The following B4GALT4 variants were observed in gnomAD, a reference collection of about 807,000 sequenced individuals.
The protein encoded by B4GALT4 is beta-1,4-galactosyltransferase 4.
A neutral mutation model predicts 37.3 loss-of-function variants in B4GALT4; 27 were observed. The observed-to-expected ratio is 0.72, with a 90% CI of 0.53 to 1.00. B4GALT4 has a LOEUF of 1.00. Among genes scored for constraint, B4GALT4 ranks in the 50% least tolerant of loss-of-function variants. The pLI is 0.00. For synonymous variants in B4GALT4, 148 were observed against 154.1 expected, an observed-to-expected ratio of 0.96 and a Z score of 0.29; for missense variants, 372 against 413.1, an observed-to-expected ratio of 0.90 and a Z score of 0.86.
At chr3:119,213,189 C>G (rs191606624) in intron 7 of B4GALT4, 1 of 152,338 alleles carries the variant, frequency 6.6e-6, no homozygotes, top group Admixed American at 6.5e-5. Flanking sequence ...TTCAGTAACG[C>G]TGAAAGAGAG....
chr3:119,238,610 T>C (rs2079055625), intron 1 of B4GALT4, among the ~76,000 whole-genome samples: 1 of 152,202 alleles, frequency 6.6e-6, no homozygotes, highest in Admixed American at 6.5e-5. Flanking sequence ...TTGTAACTGT[T>C]CTATTATTAG....
At chr3:119,236,741 A>T (rs915363529) in intron 2 of B4GALT4, 112 bp downstream of exon 2, 8 of 152,240 alleles carry the variant, frequency 5.3e-5, no homozygotes, top group Non-Finnish European at 1.2e-4. Flanking sequence ...GATTAATAAT[A>T]TGAGTACAAA....
At chr3:119,217,121 T>A (rs938269532) in intron 6 of B4GALT4, among the ~76,000 whole-genome samples, 4 of 152,186 alleles carry the variant, frequency 2.6e-5, no homozygotes, top group Admixed American at 6.5e-5. Context: ...AAAGCAAAAT[T>A]GGAGGCTCCC....
chr3:119,216,559 G>A (rs769059683), intron 6 of B4GALT4, among the ~76,000 whole-genome samples: 4 of 151,772 alleles, frequency 2.6e-5, no homozygotes, highest in South Asian at 2.1e-4. Context: ...AACTTCAGGC[G>A]ATAAGCCCAA....
chr3:119,239,132 C>G (rs541527447), intron 1 of B4GALT4, among the ~76,000 whole-genome samples: 1 of 152,064 alleles, frequency 6.6e-6, no homozygotes, highest in Admixed American at 6.5e-5. Context: ...TCCAGACCAG[C>G]CTGGACAACA....
chr3:119,216,646 A>G (rs925273069), intron 6 of B4GALT4, among the ~76,000 whole-genome samples: 3 of 151,644 alleles, frequency 2.0e-5, no homozygotes, highest in Non-Finnish European at 2.9e-5. Flanking sequence ...TTTCAAAAAG[A>G]AAAAAAAATG....
Position 119,230,067 on chromosome 3 carries a change from G to C in B4GALT4, c.33C>G (p.Tyr11Ter). The C allele has an allele frequency of 1.2e-6, 2 of 1,614,184 alleles. No individual in the cohort carries two copies. Among genetic ancestry groups the C allele is most frequent in the Non-Finnish European group, 1.7e-6 (2 of 1,180,018 alleles). Residue 11 changes from tyrosine to a stop codon, truncating the protein, a stop_gained, in exon 3 of 8, where the codon TAC (tyrosine) becomes TAG (stop). Transcript: ENST00000393765. LOFTEE classifies it high-confidence loss of function. MGFNLTFHLS[Y>*]KFRLLLLLTL... ...TCAACAGCAACAGTAATCGGAATTT[G>C]TAGGAAAGGTGGAAAGTCAGGTTGA... is the stretch of plus-strand genomic sequence containing the variant.
In B4GALT4 at chr3:119,231,751, T is replaced by A. The variant is rs555502098; in HGVS notation, c.-145-1507A>T. ...ATTTTTATTTTTATAAAATTTATTT[T>A]ATAAATTTTATTTTATTTAATAATT... is the stretch of plus-strand genomic sequence containing the variant. On this transcript the variant is annotated intron_variant, in intron 2 of 7. Transcript: ENST00000393765. Among the ~76,000 whole-genome samples, 628 of 144,852 alleles carry A rather than the reference T, an allele frequency of 4.3e-3. 3 individuals are homozygous for A. Among genetic ancestry groups the A allele is most frequent in the African/African-American group, 0.015 (597 of 39,798 alleles).
At position 119,217,003 on chromosome 3, in the gene B4GALT4, G is replaced by A. The variant is rs141158497; in HGVS notation, c.798-659C>T. ...GAAGGGTAGTGCCTGTTGCACAGGC[G>A]AATAAATAAGCAGTAAATCTCAACC... is the stretch of plus-strand genomic sequence containing the variant. On this transcript the variant is annotated intron_variant, in intron 6 of 7. Transcript: ENST00000393765. Among the ~76,000 whole-genome samples, 210 of 152,336 alleles carry A rather than the reference G, an allele frequency of 1.4e-3. 1 individual carries two copies. The highest frequency in any genetic ancestry group is 4.4e-3 in the African/African-American group (185 of 41,578).
chr3:119,212,210 C>T lies in B4GALT4; in HGVS notation c.*339G>A. The stretch of plus-strand genomic sequence containing the variant: ...TCTTATTTCCTGTGGCCTTTTATCC[C>T]ATAATATATTACTTCAAATTTAAAT... On this transcript the variant is annotated 3_prime_UTR_variant, in exon 8 of 8. Transcript: ENST00000393765. 1 of 702,992 alleles carries T rather than the reference C, an allele frequency of 1.4e-6. No homozygotes were observed. Among genetic ancestry groups the T allele is most frequent in the Non-Finnish European group, 2.6e-6 (1 of 384,998 alleles). The allele number at this position is 702,992 out of a possible 1,614,324, so 43.5% of individuals were successfully genotyped here. A position where few individuals can be genotyped will look rare whatever the true frequency, so the allele number is the denominator to read the frequency against.
At chr3:119,213,418 G>A (rs530911386) in intron 7 of B4GALT4, 1 of 152,346 alleles carries the variant, frequency 6.6e-6, no homozygotes, top group South Asian at 2.1e-4. Flanking sequence ...CAATATGGAT[G>A]GGGATCAGAT....
At chr3:119,222,152 C>G (rs1329002645) in intron 5 of B4GALT4, among the ~76,000 whole-genome samples, 4 of 152,090 alleles carry the variant, frequency 2.6e-5, no homozygotes, top group Non-Finnish European at 5.9e-5. Flanking sequence ...AAAATCTGGG[C>G]AATGGGAAGT....
Position 119,218,632 on chromosome 3 carries a change from C to T in B4GALT4, c.797+18G>A. ...TGAGTGCAGAGCCCCGTGAAGGGGA[C>T]CTTTCTCTGTTGTTCACCTGAGTCT... is the stretch of plus-strand genomic sequence containing the variant. On this transcript the variant is annotated intron_variant, in intron 6 of 7. Transcript: ENST00000393765. The T allele has an allele frequency of 6.2e-7, 1 of 1,614,138 alleles. No individual in the cohort carries two copies. The highest frequency in any genetic ancestry group is 8.5e-7 in the Non-Finnish European group (1 of 1,180,010).
chr3:119,220,339 T>C (rs1258809286), intron 5 of B4GALT4, among the ~76,000 whole-genome samples: 1 of 152,220 alleles, frequency 6.6e-6, no homozygotes, highest in Non-Finnish European at 1.5e-5. Context: ...AAGGCAGGCA[T>C]AACCTGCTGA....
intron 7 of B4GALT4, 111 bp from the exon 8 acceptor site, chr3:119,212,792 TTG>T (rs1161352071): frequency 1.9e-6 from 2 of 1,040,038 alleles, no homozygotes; most frequent in African/African-American, 1.7e-5. Context: ...ATTGTACCTG[TTG>T]TGTTTCCTAC....
At chr3:119,214,512 G>A (rs572951848) in intron 7 of B4GALT4, 3 of 152,158 alleles carry the variant, frequency 2.0e-5, no homozygotes, top group Non-Finnish European at 2.9e-5. Flanking sequence ...AGCTCTCGAG[G>A]ACTACTGGGA....
intron 6 of B4GALT4, 85 bp from the exon 7 acceptor site, chr3:119,216,429 T>TACACAC: frequency 1.7e-6 from 1 of 595,660 alleles, no homozygotes; most frequent in South Asian, 2.0e-5. Context: ...CGAAAATTTA[T>TACACAC]ACACACACAC....
chr3:119,222,788 G>A (rs142181154), intron 5 of B4GALT4, among the ~76,000 whole-genome samples: 16 of 152,306 alleles, frequency 1.1e-4, no homozygotes, highest in African/African-American at 3.4e-4. Context: ...CACCTTACCT[G>A]GGGAACAGCT....
intron 4 of B4GALT4, 80 bp from the exon 5 acceptor site, chr3:119,224,325 G>A (rs1013617424): frequency 3.5e-6 from 4 of 1,129,924 alleles, no homozygotes; most frequent in Non-Finnish European, 3.7e-6. Context: ...GGATTCAGGA[G>A]ATGGTATTAT....
Sources: allele counts gnomAD v4.1 joint callset (sites outside exome capture counted in the v4.1 genomes callset), GRCh38; gene constraint gnomAD v4.1.1; transcripts MANE v1.5; gene names NCBI Gene and HGNC (gene_info 2026-07-23, HGNC 2026-07-21).